Variants in CRKL observed in about 807,000 individuals in gnomAD.
The protein encoded by CRKL is crk-like protein.
Under a neutral mutation model 23.0 loss-of-function variants are expected in CRKL, and 3 were observed. The observed-to-expected ratio is 0.13, with a 90% CI of 0.06 to 0.34. The LOEUF is 0.34. Ranked by LOEUF, CRKL falls within the 10% of genes least tolerant of loss-of-function variation. The pLI is 1.00. For missense variants in CRKL, 256 were observed against 394.5 expected (o/e 0.65, Z 2.97); for synonymous variants, 188 against 160.7 (o/e 1.17, Z -1.28).
At chr22:20,922,006 CTTTTT>C (rs66728040) in intron 1 of CRKL, among the ~76,000 whole-genome samples, 2 of 69,936 alleles carry the variant, frequency 2.9e-5, no homozygotes, top group Non-Finnish European at 2.7e-5. Context: ...CTGCGCCCGG[CTTTTT>C]TTTTTTTTTT....
At chr22:20,941,005 TCA>T (rs1921850772) in intron 2 of CRKL, among the ~76,000 whole-genome samples, 1 of 152,098 alleles carries the variant, frequency 6.6e-6, no homozygotes, top group South Asian at 2.1e-4. Flanking sequence ...CCCTAAGAGA[TCA>T]TCATGAGTTC....
chr22:20,941,404 A>T (rs1921862103), intron 2 of CRKL, among the ~76,000 whole-genome samples: 1 of 151,406 alleles, frequency 6.6e-6, no homozygotes, highest in Non-Finnish European at 1.5e-5. Context: ...TTTCTTTAGT[A>T]CCAAAAGTGC....
rs192028692 is a variant in CRKL at position 20,947,129 on chromosome 22, G to T, written c.778-2582G>T. ...GCTGCTCTTTGACCTACTTCTGCTG[G>T]TCCAGGTTCCCTCTGTCTAAGCAGT... On this transcript the variant is annotated intron_variant, in intron 2 of 2. Transcript: ENST00000354336. 1.4e-3 allele frequency among the ~76,000 whole-genome samples: 207 copies of T among 147,352 alleles called. 2 individuals are homozygous for T. The East Asian group carries it at 0.034, about 24-fold the overall frequency.
chr22:20,934,548 T>G (rs1416373791), intron 2 of CRKL, among the ~76,000 whole-genome samples: 1 of 152,134 alleles, frequency 6.6e-6, no homozygotes, highest in Non-Finnish European at 1.5e-5. Flanking sequence ...TTATTAGTGT[T>G]TCACAGCTTG....
At chr22:20,924,911 C>A (rs1022820794) in intron 1 of CRKL, among the ~76,000 whole-genome samples, 1 of 151,888 alleles carries the variant, frequency 6.6e-6, no homozygotes, top group East Asian at 1.9e-4. Context: ...TGTTCCCAGC[C>A]GGATGTGGTG....
At chr22:20,918,679 C>T (rs1023674589) in intron 1 of CRKL, among the ~76,000 whole-genome samples, 6 of 151,588 alleles carry the variant, frequency 4.0e-5, no homozygotes, top group African/African-American at 1.5e-4. Context: ...GCAACCTCCG[C>T]CTCCCGGGTT....
intron 1 of CRKL, among the ~76,000 whole-genome samples, chr22:20,920,994 G>GT (rs1331829933): frequency 6.6e-6 from 1 of 152,194 alleles, no homozygotes; most frequent in Non-Finnish European, 1.5e-5. Context: ...TCCTGACTGA[G>GT]TTTACTTTGT....
chr22:20,931,710 A>G (rs1307349637), intron 1 of CRKL, among the ~76,000 whole-genome samples: 1 of 152,224 alleles, frequency 6.6e-6, no homozygotes, highest in Admixed American at 6.5e-5. Flanking sequence ...CAATCTCTTC[A>G]AAGATCGTAA....
chr22:20,937,690 A>G (rs1429590904), intron 2 of CRKL, among the ~76,000 whole-genome samples: 1 of 151,536 alleles, frequency 6.6e-6, no homozygotes, highest in Non-Finnish European at 1.5e-5. Flanking sequence ...GGCCCCAGAG[A>G]GAGGTTCTCC....
At chr22:20,920,713 C>A (rs1199965186) in intron 1 of CRKL, among the ~76,000 whole-genome samples, 1 of 152,030 alleles carries the variant, frequency 6.6e-6, no homozygotes, top group Non-Finnish European at 1.5e-5. Flanking sequence ...GGTAGCCATC[C>A]TTCCTTACTC....
Position 20,949,956 on chromosome 22 carries a change from G to C in CRKL, c.*111G>C. 1 of 1,404,034 alleles carries C rather than the reference G, an allele frequency of 7.1e-7. No individual in the cohort carries two copies. The highest frequency in any genetic ancestry group is 9.5e-7 in the Non-Finnish European group (1 of 1,051,784). 87.0% of individuals were successfully genotyped at this position (1,404,034 alleles called of 1,614,324 possible). Reference sequence around the variant, plus strand: ...AGTCACACTGCATTGCCGAAGTCCAGCTTTCTGCAGACTGGCAGTCGCACA... The same window carrying C: ...AGTCACACTGCATTGCCGAAGTCCACCTTTCTGCAGACTGGCAGTCGCACA... On this transcript the variant is annotated 3_prime_UTR_variant, in exon 3 of 3. Coordinates refer to ENST00000354336, the MANE Select transcript of CRKL (RefSeq NM_005207.4).
chr22:20,952,239 AT>A lies in CRKL; in HGVS notation c.*2398del. 2 of 228,854 alleles carry A rather than the reference AT, an allele frequency of 8.7e-6. No homozygotes were observed. Among genetic ancestry groups the A allele is most frequent in the Middle Eastern group, 1.3e-3 (1 of 766 alleles). 14.2% of individuals were successfully genotyped at this position (228,854 alleles called of 1,614,324 possible). On this transcript the variant is annotated 3_prime_UTR_variant, in exon 3 of 3. Transcript: ENST00000354336. The stretch of plus-strand genomic sequence containing the variant: ...GACTCAGAGTGCAAGAAGTCTGGCC[AT>A]TTTGGAAAGCAAGGTTTCCTTTCAG...
intron 2 of CRKL, among the ~76,000 whole-genome samples, chr22:20,946,720 C>A (rs1302320023): frequency 9.9e-5 from 7 of 70,704 alleles, no homozygotes; most frequent in African/African-American, 2.0e-4. Flanking sequence ...GCACCCCTCC[C>A]TCCAAAAAAA....
At chr22:20,928,467 A>T (rs946153687) in intron 1 of CRKL, among the ~76,000 whole-genome samples, 12 of 151,968 alleles carry the variant, frequency 7.9e-5, no homozygotes, top group Admixed American at 3.3e-4. Flanking sequence ...AAAAAAATTT[A>T]CAAAACAAGC....
At chr22:20,931,578 G>C (rs1029680176) in intron 1 of CRKL, among the ~76,000 whole-genome samples, 7 of 152,090 alleles carry the variant, frequency 4.6e-5, no homozygotes, top group Non-Finnish European at 1.0e-4. Flanking sequence ...AGGCTGATTA[G>C]CTCATTATGA....
chr22:20,924,168 A>C (rs929533839), intron 1 of CRKL, among the ~76,000 whole-genome samples: 2 of 152,146 alleles, frequency 1.3e-5, no homozygotes, highest in African/African-American at 4.8e-5. Context: ...AGCCTGGGCA[A>C]CAGAGCCAGA....
intron 1 of CRKL, among the ~76,000 whole-genome samples, chr22:20,933,119 C>T (rs185247062): frequency 4.4e-4 from 65 of 148,042 alleles, no homozygotes; most frequent in African/African-American, 1.2e-3. Flanking sequence ...ACCTGTAATC[C>T]CAGCACTTTG....
In CRKL at chr22:20,918,592, C is replaced by CTTT. The variant is rs66827795; in HGVS notation, c.311+363_311+365dup. Among the ~76,000 whole-genome samples, 101 of 89,338 alleles carry CTTT rather than the reference C, an allele frequency of 1.1e-3. 1 individual carries two copies. The highest frequency in any genetic ancestry group is 4.0e-3 in the Admixed American group (33 of 8,280). 58.6% of individuals were successfully genotyped at this position (89,338 alleles called of 152,430 possible). On this transcript the variant is annotated intron_variant, in intron 1 of 2. Transcript: ENST00000354336. ...GATTTGTTGGTTTTTCTAAAAACCT[C>CTTT]TTTTTTTTTTTTTTTTTTGAGACGG...
At chr22:20,932,503 G>A (rs1013126059) in intron 1 of CRKL, among the ~76,000 whole-genome samples, 4 of 152,146 alleles carry the variant, frequency 2.6e-5, no homozygotes, top group African/African-American at 9.7e-5. Context: ...CCAGGGAAGT[G>A]TGCAGGATGT....
Sources: gnomAD v4.1 joint callset for allele counts (sites outside exome capture counted in the v4.1 genomes callset) on GRCh38, gnomAD v4.1.1 for gene constraint, MANE v1.5 for transcripts, NCBI Gene and HGNC (gene_info 2026-07-23, HGNC 2026-07-21) for gene names.